STXBP5L: variants seen among roughly 807,000 people sequenced by gnomAD.
STXBP5L encodes the protein syntaxin binding protein 5L.
In STXBP5L, 65 loss-of-function variants were observed where a neutral mutation model predicts 144.5. The ratio of observed to expected loss-of-function variants is 0.45; its 90% CI spans 0.37 to 0.55. The LOEUF is 0.55. Ranked by LOEUF, STXBP5L falls within the 20% of genes least tolerant of loss-of-function variation. The pLI, the probability that STXBP5L is intolerant of heterozygous loss-of-function variation, is 0.00. For synonymous variants in STXBP5L, 505 were observed against 469.6 expected (o/e 1.08, Z -0.97); for missense variants, 1,298 against 1,405.5 (o/e 0.92, Z 1.22).
intron 24 of STXBP5L, among the ~76,000 whole-genome samples, chr3:121,415,593 G>A (rs1409140183): frequency 6.6e-6 from 1 of 152,084 alleles, no homozygotes; most frequent in Admixed American, 6.6e-5. Context: ...TAATCCTAGG[G>A]TAGCTATATT....
chr3:121,415,885 T>C lies in STXBP5L; in HGVS notation c.3143T>C (p.Ile1048Thr), dbSNP rs754289364. The change falls in exon 25 of 27, where the codon ATA becomes ACA. Residue 1048 changes from isoleucine to threonine, a missense_variant. Coordinates refer to ENST00000471454, the MANE Select transcript of STXBP5L (RefSeq NM_001308330.2). Reference sequence around the variant, plus strand: ...ATGCTAGGAGATTTGTTTACTCCCATAGAGACACCAGAAGCTCAAAACAGA... The same window carrying C: ...ATGCTAGGAGATTTGTTTACTCCCACAGAGACACCAGAAGCTCAAAACAGA... ...QDMLGDLFTP[I>T]ETPEAQNRGF... 3.1e-6 allele frequency: 5 copies of C among 1,613,354 alleles called. No individual in the cohort carries two copies. Among genetic ancestry groups the C allele is most frequent in the East Asian group, 2.2e-5 (1 of 44,816 alleles).
chr3:121,301,160 T>C (rs2051885942), intron 19 of STXBP5L, among the ~76,000 whole-genome samples: 1 of 152,220 alleles, frequency 6.6e-6, no homozygotes. Flanking sequence ...TTCACGATAT[T>C]GATTCTTCCT....
chr3:120,969,020 T>C (rs1323483998), intron 3 of STXBP5L, among the ~76,000 whole-genome samples: 2 of 152,134 alleles, frequency 1.3e-5, no homozygotes, highest in East Asian at 3.8e-4. Flanking sequence ...ATGCATCTTT[T>C]TCATATAATG....
At chr3:121,038,246 C>A (rs569976748) in intron 3 of STXBP5L, among the ~76,000 whole-genome samples, 1 of 151,760 alleles carries the variant, frequency 6.6e-6, no homozygotes, top group South Asian at 2.1e-4. Flanking sequence ...AATTTAAGAT[C>A]TTTTTCTTTG....
chr3:121,365,280 T>G (rs992741786), intron 20 of STXBP5L, among the ~76,000 whole-genome samples: 10 of 151,858 alleles, frequency 6.6e-5, no homozygotes, highest in Non-Finnish European at 1.0e-4. Context: ...GCCTTATAGA[T>G]TGAGTTAGAA....
chr3:121,094,540 C>G (rs2043009595), intron 5 of STXBP5L, among the ~76,000 whole-genome samples: 1 of 151,838 alleles, frequency 6.6e-6, no homozygotes, highest in Non-Finnish European at 1.5e-5. Context: ...CCTTCTTTGT[C>G]CCTTTTGATC....
intron 2 of STXBP5L, among the ~76,000 whole-genome samples, chr3:120,917,367 G>A (rs933189605): frequency 6.6e-6 from 1 of 152,106 alleles, no homozygotes; most frequent in Non-Finnish European, 1.5e-5. Flanking sequence ...AGATGTGTGA[G>A]GAATTGACTT....
At chr3:121,067,032 A>C (rs759329430) in intron 5 of STXBP5L, among the ~76,000 whole-genome samples, 5 of 152,090 alleles carry the variant, frequency 3.3e-5, no homozygotes, top group Non-Finnish European at 7.4e-5. Context: ...ACTATTTTCA[A>C]TTCCTAATAT....
intron 2 of STXBP5L, among the ~76,000 whole-genome samples, chr3:120,923,900 G>C: frequency 6.6e-6 from 1 of 151,918 alleles, no homozygotes; most frequent in East Asian, 1.9e-4. Flanking sequence ...CTTTCTGGCT[G>C]GATGATCTGT....
chr3:121,206,007 C>A lies in STXBP5L; in HGVS notation c.956+6C>A. The A allele has an allele frequency of 6.8e-7, 1 of 1,479,176 alleles. No homozygotes were observed. Among genetic ancestry groups the A allele is most frequent in the Non-Finnish European group, 9.0e-7 (1 of 1,113,156 alleles). 91.6% of individuals were successfully genotyped at this position (1,479,176 alleles called of 1,614,324 possible). On this transcript the variant is annotated splice_donor_region_variant and intron_variant, in intron 10 of 26. Transcript: ENST00000471454. ...TACAAGACCTGCAAAAACAGGTATG[C>A]ATTTTTACTTTAGGGAAAGAGGGAT...
intron 2 of STXBP5L, among the ~76,000 whole-genome samples, chr3:120,950,193 G>T (rs1452386919): frequency 6.6e-6 from 1 of 151,906 alleles, no homozygotes; most frequent in East Asian, 1.9e-4. Context: ...GTTAATTTTT[G>T]TGTATGTTAT....
rs1226727618 is a variant in STXBP5L at position 121,011,163 on chromosome 3, G to C, written c.288-30537G>C. Among the ~76,000 whole-genome samples the C allele has an allele frequency of 4.0e-5, 6 of 150,662 alleles. No individual in the cohort carries two copies. In the East Asian group the frequency reaches 9.6e-4, roughly 24 times the overall value. ...ACCTCATTATCATAGTCATTTTTAA[G>C]CCTTGAAACTATCCCGGTAACATTT... is the stretch of plus-strand genomic sequence containing the variant. On this transcript the variant is annotated intron_variant, in intron 3 of 26. Transcript: ENST00000471454.
At position 121,318,504 on chromosome 3, in the gene STXBP5L, C is replaced by T. The variant is rs1408966201; in HGVS notation, c.2140C>T (p.Pro714Ser). The T allele has an allele frequency of 1.3e-6, 2 of 1,563,582 alleles. No homozygotes were observed. Among genetic ancestry groups the T allele is most frequent in the East Asian group, 2.4e-5 (1 of 41,946 alleles). The change falls in exon 20 of 27, where the codon CCC becomes TCC. Residue 714 changes from proline (P) to serine (S), a missense_variant. Pro to Ser is a moderately conservative substitution (Grantham distance 74, BLOSUM62 -1). Coordinates refer to ENST00000471454, the MANE Select transcript of STXBP5L (RefSeq NM_001308330.2). ...GLTELNDSPV[P>S]LELERCKSPT... ...AACTGAACTGAATGACAGTCCAGTTCCCCTAGAACTTGAGCGCTGCAAGTC... is the reference window on the plus strand; with the variant it reads ...AACTGAACTGAATGACAGTCCAGTTTCCCTAGAACTTGAGCGCTGCAAGTC...
chr3:121,192,278 C>G (rs1434426050), intron 9 of STXBP5L, among the ~76,000 whole-genome samples: 1 of 152,084 alleles, frequency 6.6e-6, no homozygotes, highest in East Asian at 1.9e-4. Context: ...TGTGAAGGAC[C>G]TCTTCAAGGA....
At chr3:121,199,238 T>C (rs1258023496) in intron 9 of STXBP5L, among the ~76,000 whole-genome samples, 2 of 152,122 alleles carry the variant, frequency 1.3e-5, no homozygotes, top group Non-Finnish European at 2.9e-5. Context: ...ATTCTCTTTG[T>C]AGCAATTATG....
At chr3:121,329,863 A>G (rs1289239321) in intron 20 of STXBP5L, among the ~76,000 whole-genome samples, 1 of 152,140 alleles carries the variant, frequency 6.6e-6, no homozygotes, top group African/African-American at 2.4e-5. Flanking sequence ...CTGTTCCCCC[A>G]CATTCCTCTT....
chr3:121,372,388 C>T lies in STXBP5L; in HGVS notation c.2177-6328C>T, dbSNP rs377067165. ...CGGGCATCACTGGTCTGCTCCATTACAGGTGCTCCCACACCAAACCCTCTG... is the reference window on the plus strand; with the variant it reads ...CGGGCATCACTGGTCTGCTCCATTATAGGTGCTCCCACACCAAACCCTCTG... On this transcript the variant is annotated intron_variant, in intron 20 of 26. Coordinates refer to ENST00000471454, the MANE Select transcript of STXBP5L (RefSeq NM_001308330.2). Among the ~76,000 whole-genome samples the T allele has an allele frequency of 1.8e-4, 27 of 152,288 alleles. No homozygotes were observed. In the East Asian group the frequency reaches 3.1e-3, roughly 17 times the overall value.
chr3:121,265,718 C>A (rs557500203), intron 18 of STXBP5L, among the ~76,000 whole-genome samples: 8 of 152,062 alleles, frequency 5.3e-5, no homozygotes, highest in African/African-American at 1.4e-4. Context: ...AATAAATAGA[C>A]CACTAGCCAG....
At chr3:121,133,461 A>T (rs1381601275) in intron 7 of STXBP5L, among the ~76,000 whole-genome samples, 1 of 152,218 alleles carries the variant, frequency 6.6e-6, no homozygotes, top group African/African-American at 2.4e-5. Context: ...CAGGACAGAA[A>T]GGAGTGGTGC....
Sources: allele counts gnomAD v4.1 joint callset (sites outside exome capture counted in the v4.1 genomes callset), GRCh38; gene constraint gnomAD v4.1.1; transcripts MANE v1.5; gene names NCBI Gene and HGNC (gene_info 2026-07-23, HGNC 2026-07-21).